SPINK5: variants seen among roughly 807,000 people sequenced by gnomAD.
The protein encoded by SPINK5 is serine peptidase inhibitor Kazal type 5, also known as serine protease inhibitor Kazal-type 5.
A neutral mutation model predicts 151.8 loss-of-function variants in SPINK5; 125 were observed. The observed-to-expected ratio is 0.82, with a 90% CI of 0.71 to 0.96. The LOEUF is 0.96. Ranked by LOEUF, SPINK5 falls within the 40% of genes least tolerant of loss-of-function variation. The pLI, the probability that SPINK5 is intolerant of heterozygous loss-of-function variation, is 0.00. For missense variants in SPINK5, 1,194 were observed against 1,291.9 expected, an observed-to-expected ratio of 0.92 and a Z score of 1.16; for synonymous variants, 374 against 395.3, an observed-to-expected ratio of 0.95 and a Z score of 0.64.
chr5:148,127,139 C>T, intron 30 of SPINK5, 60 bp downstream of exon 30: 1 of 1,451,084 alleles, frequency 6.9e-7, no homozygotes, highest in South Asian at 1.2e-5. Flanking sequence ...TTTTTTTTGA[C>T]CTGTTGCTAT....
intron 4 of SPINK5, among the ~76,000 whole-genome samples, chr5:148,079,828 C>T (rs1266178817): frequency 2.6e-5 from 4 of 151,008 alleles, no homozygotes; most frequent in Non-Finnish European, 4.5e-5. Context: ...GAATGCTTTG[C>T]CCTTAGGATT....
chr5:148,074,352 C>T (rs765667771), intron 4 of SPINK5, among the ~76,000 whole-genome samples: 1 of 151,810 alleles, frequency 6.6e-6, no homozygotes, highest in Non-Finnish European at 1.5e-5. Context: ...CCATTTCCAT[C>T]CCTACCATCT....
At chr5:148,077,262 T>C (rs2113018533) in intron 4 of SPINK5, among the ~76,000 whole-genome samples, 1 of 149,032 alleles carries the variant, frequency 6.7e-6, no homozygotes, top group African/African-American at 2.4e-5. Flanking sequence ...ACAGGCTGTA[T>C]ACAATTAAAA....
intron 31 of SPINK5, among the ~76,000 whole-genome samples, chr5:148,133,363 C>T (rs544765453): frequency 9.2e-5 from 14 of 152,280 alleles, no homozygotes; most frequent in Admixed American, 6.5e-4. Context: ...CATTAAAATT[C>T]GTACTCCTTA....
At chr5:148,112,368 T>C (rs2113160620) in intron 19 of SPINK5, among the ~76,000 whole-genome samples, 1 of 152,328 alleles carries the variant, frequency 6.6e-6, no homozygotes, top group Non-Finnish European at 1.5e-5. Flanking sequence ...CGTCTTATTC[T>C]TTAAACAACC....
rs775297343 is a variant in SPINK5, at chr5:148,091,215, G to A, written c.653G>A (p.Arg218Gln). 1.6e-5 allele frequency: 26 copies of A among 1,611,074 alleles called. No individual in the cohort carries two copies. In the Admixed American group the frequency reaches 3.9e-4, roughly 24 times the overall value. ...AKREGETRIRRNAEKDFCKEY... is the reference protein window; with the variant it reads ...AKREGETRIRQNAEKDFCKEY... ...CGAGAGGGTGAAACTAGAATTCGAC[G>A]AAATGCTGAAAAGGTAAAATGACTC... The change falls in exon 8 of 33, where the codon CGA (arginine) becomes CAA (glutamine). Residue 218 changes from arginine (R) to glutamine (Q), a missense_variant. Physicochemically the swap from Arg to Gln is conservative, Grantham distance 43 (BLOSUM62 1). Transcript: ENST00000256084.
chr5:148,084,172 A>G (rs559588865), intron 4 of SPINK5, among the ~76,000 whole-genome samples: 57 of 152,056 alleles, frequency 3.7e-4, no homozygotes, highest in Non-Finnish European at 6.0e-4. Context: ...TGTCAGATAT[A>G]CAGATATTCT....
intron 23 of SPINK5, 39 bp downstream of exon 23, chr5:148,118,603 C>T (rs757648939): frequency 5.0e-6 from 8 of 1,611,312 alleles, no homozygotes; most frequent in Admixed American, 3.3e-5. Flanking sequence ...AAAATATAGT[C>T]ACATTCCTCT....
chr5:148,091,922 T>TA (rs145195238), intron 8 of SPINK5, among the ~76,000 whole-genome samples: 1,946 of 152,044 alleles, frequency 0.013, 43 homozygotes, highest in African/African-American at 0.043. Context: ...TTAAATCACC[T>TA]ACTTTCAATG....
At chr5:148,065,209 A>C in intron 1 of SPINK5, 138 bp from the exon 2 acceptor site, 1 of 817,022 alleles carries the variant, frequency 1.2e-6, no homozygotes, top group Non-Finnish European at 2.0e-6. Context: ...GATAAATCTT[A>C]ATGTGTTCAA....
intron 4 of SPINK5, among the ~76,000 whole-genome samples, chr5:148,085,082 T>G (rs1753117670): frequency 6.6e-6 from 1 of 151,838 alleles, no homozygotes; most frequent in East Asian, 1.9e-4. Flanking sequence ...AATGAACAAA[T>G]GAATGAATGA....
intron 1 of SPINK5, 125 bp downstream of exon 1, chr5:148,064,224 GC>G: frequency 1.0e-6 from 1 of 970,062 alleles, no homozygotes; most frequent in Non-Finnish European, 1.7e-6. Flanking sequence ...GAAATGTCTT[GC>G]CAGACACAGA....
intron 32 of SPINK5, among the ~76,000 whole-genome samples, chr5:148,134,686 G>C (rs575961685): frequency 6.6e-6 from 1 of 151,954 alleles, no homozygotes. Flanking sequence ...TCGAAAGTAT[G>C]AACTTTTTCT....
At chr5:148,131,478 G>A (rs912395706) in intron 31 of SPINK5, 89 bp downstream of exon 31, 18 of 1,556,524 alleles carry the variant, frequency 1.2e-5, no homozygotes, top group African/African-American at 8.1e-5. Context: ...ATATAAATTC[G>A]AAATGTGTTG....
chr5:148,068,554 CAAAAAAAAAAAAAAA>C (rs1166912306), intron 2 of SPINK5, among the ~76,000 whole-genome samples: 1 of 89,232 alleles, frequency 1.1e-5, no homozygotes, highest in African/African-American at 4.5e-5. Flanking sequence ...CCTGCCTCTC[CAAAAAAAAAAAAAAA>C]AAAAAAAAAA....
chr5:148,072,227 C>A lies in SPINK5; in HGVS notation c.282+7C>A. On this transcript the variant is annotated splice_region_variant and intron_variant, in intron 4 of 32. Transcript: ENST00000256084. ...GGCTACTGCCCCAACAGAGGTGAGA[C>A]TATTTGGAGCCAACCTGTTTACTTT... The A allele has an allele frequency of 6.2e-7, 1 of 1,611,500 alleles. No individual in the cohort carries two copies. Among genetic ancestry groups the A allele is most frequent in the Non-Finnish European group, 8.5e-7 (1 of 1,178,098 alleles).
chr5:148,069,531 C>T (rs1752681630), intron 2 of SPINK5, among the ~76,000 whole-genome samples: 1 of 151,960 alleles, frequency 6.6e-6, no homozygotes, highest in African/African-American at 2.4e-5. Context: ...GAAATTTCCT[C>T]AGTACTTCCA....
chr5:148,110,899 C>T (rs775858524), intron 18 of SPINK5, among the ~76,000 whole-genome samples: 1 of 151,928 alleles, frequency 6.6e-6, no homozygotes, highest in Admixed American at 6.6e-5. Flanking sequence ...TGCAGCAAAC[C>T]ACCATGGCAC....
chr5:148,097,719 A>C, intron 10 of SPINK5, 148 bp from the exon 11 acceptor site: 1 of 685,762 alleles, frequency 1.5e-6, no homozygotes, highest in Non-Finnish European at 2.3e-6. Context: ...TATTACAAGG[A>C]GAGAAATATC....
Sources: gnomAD v4.1 joint callset for allele counts (sites outside exome capture counted in the v4.1 genomes callset) on GRCh38, gnomAD v4.1.1 for gene constraint, MANE v1.5 for transcripts, NCBI Gene and HGNC (gene_info 2026-07-23, HGNC 2026-07-21) for gene names.